The following CHST6 variants were observed in gnomAD, a reference collection of about 807,000 sequenced individuals.
CHST6 encodes the protein N-acetylglucosamine 6-O-sulfotransferase 5.
For missense variants in CHST6, 698 were observed against 586.2 expected (o/e 1.19, Z -1.97); for synonymous variants, 309 against 276.4 (o/e 1.12, Z -1.17).
Position 75,477,028 on chromosome 16 carries a change from G to A in CHST6, c.*1613C>T, listed in dbSNP as rs1778946531. 1 of 152,244 alleles carries A rather than the reference G, an allele frequency of 6.6e-6. No individual in the cohort carries two copies. Among genetic ancestry groups the A allele is most frequent in the Non-Finnish European group, 1.5e-5 (1 of 68,092 alleles). The allele number at this position is 152,244 out of a possible 1,614,324, so 9.4% of individuals were successfully genotyped here. ...CACAGTGCTGGGATTACAGGCATGA[G>A]CCACTGCATCCAGCCAAGTTACCCA... On this transcript the variant is annotated 3_prime_UTR_variant, in exon 3 of 3. Transcript: ENST00000332272.
chr16:75,490,685 G>T (rs2080244273), intron 1 of CHST6: 1 of 152,114 alleles, frequency 6.6e-6, no homozygotes, highest in East Asian at 1.9e-4. Flanking sequence ...ATTTCCTGAA[G>T]AAACAATTTG....
At chr16:75,487,012 A>T (rs895223995) in intron 1 of CHST6, among the ~76,000 whole-genome samples, 2 of 152,232 alleles carry the variant, frequency 1.3e-5, no homozygotes, top group Non-Finnish European at 2.9e-5. Flanking sequence ...CTGACTGAAG[A>T]AGATAGTAAG....
At chr16:75,484,261 CAGGAGGTGG>C (rs2080171946) in intron 1 of CHST6, among the ~76,000 whole-genome samples, 1 of 152,034 alleles carries the variant, frequency 6.6e-6, no homozygotes. Flanking sequence ...TGCTTGAATC[CAGGAGGTGG>C]AGGTTGCAGT....
rs1645995618 is a variant in CHST6 at position 75,476,161 on chromosome 16, T to A, written c.*2480A>T. The A allele has an allele frequency of 6.6e-6, 1 of 152,100 alleles. No individual in the cohort carries two copies. The highest frequency in any genetic ancestry group is 1.5e-5 in the Non-Finnish European group (1 of 68,046). The allele number at this position is 152,100 out of a possible 1,614,324, so 9.4% of individuals were successfully genotyped here. A position where few individuals can be genotyped will look rare whatever the true frequency, so the allele number is the denominator to read the frequency against. ...CACGCCTGGCTTGTGGTTGAAATCT[T>A]AACCCACAATATGATGGTGTTGGGA... On this transcript the variant is annotated 3_prime_UTR_variant, in exon 3 of 3. Coordinates refer to ENST00000332272, the MANE Select transcript of CHST6 (RefSeq NM_021615.5).
intron 1 of CHST6, among the ~76,000 whole-genome samples, chr16:75,485,063 C>T (rs1479929310): frequency 6.6e-6 from 1 of 151,934 alleles, no homozygotes; most frequent in Non-Finnish European, 1.5e-5. Flanking sequence ...AAATTTCCAA[C>T]AAGTAATTAA....
chr16:75,483,431 C>T (rs2080163705), intron 1 of CHST6, among the ~76,000 whole-genome samples: 1 of 152,184 alleles, frequency 6.6e-6, no homozygotes, highest in African/African-American at 2.4e-5. Flanking sequence ...TACTGAAACT[C>T]AAGAACTAGG....
intron 1 of CHST6, among the ~76,000 whole-genome samples, chr16:75,485,492 G>C (rs247454): frequency 0.42 from 63,947 of 151,850 alleles, 13,572 homozygotes; most frequent in East Asian, 0.56. Flanking sequence ...CCTAAAACCA[G>C]AGCAAAACAC....
chr16:75,484,761 T>G (rs1410250139), intron 1 of CHST6, among the ~76,000 whole-genome samples: 3 of 152,010 alleles, frequency 2.0e-5, no homozygotes, highest in Non-Finnish European at 4.4e-5. Context: ...GGAGAATCAT[T>G]TGAACCCGGG....
intron 1 of CHST6, among the ~76,000 whole-genome samples, chr16:75,486,520 C>A (rs374289873): frequency 6.6e-6 from 1 of 152,176 alleles, no homozygotes; most frequent in African/African-American, 2.4e-5. Flanking sequence ...CTGACCCTGC[C>A]CCCCCAGCCC....
chr16:75,488,464 C>T (rs191029308), intron 1 of CHST6, among the ~76,000 whole-genome samples: 271 of 146,900 alleles, frequency 1.8e-3, no homozygotes, highest in African/African-American at 6.1e-3. Flanking sequence ...AGCAAAGCCC[C>T]GTCACAAGGA....
At chr16:75,490,005 C>T (rs192555879) in intron 1 of CHST6, among the ~76,000 whole-genome samples, 2 of 149,420 alleles carry the variant, frequency 1.3e-5, no homozygotes, top group East Asian at 2.0e-4. Context: ...GGTGAAACCC[C>T]GTCTCTACTA....
intron 1 of CHST6, among the ~76,000 whole-genome samples, chr16:75,487,678 A>G (rs1254270105): frequency 6.6e-6 from 1 of 151,874 alleles, no homozygotes; most frequent in Non-Finnish European, 1.5e-5. Flanking sequence ...GGGCACCTGT[A>G]GTCCCAGCTA....
At chr16:75,479,985 C>A in intron 2 of CHST6, 141 bp from the exon 3 acceptor site, 1 of 717,384 alleles carries the variant, frequency 1.4e-6, no homozygotes, top group Non-Finnish European at 2.3e-6. Flanking sequence ...GGGAGCTCTC[C>A]CGGAAATGTG....
rs1041374367 is a variant in CHST6, at chr16:75,477,808, TC to T, written c.*832del. 13 of 152,872 alleles carry T rather than the reference TC, an allele frequency of 8.5e-5. No individual in the cohort carries two copies. Among genetic ancestry groups the T allele is most frequent in the African/African-American group, 3.1e-4 (13 of 41,466 alleles). The allele number at this position is 152,872 out of a possible 1,614,324, so 9.5% of individuals were successfully genotyped here. A position where few individuals can be genotyped will look rare whatever the true frequency, so the allele number is the denominator to read the frequency against. ...CAACCTCTTGGCAAGCCTGATGAGT[TC>T]CACTCCCCGCTGACGGGCACACCTG... is the stretch of plus-strand genomic sequence containing the variant. On this transcript the variant is annotated 3_prime_UTR_variant, in exon 3 of 3. Transcript: ENST00000332272.
At position 75,474,470 on chromosome 16, in the gene CHST6, C is replaced by G. The variant is rs1157976987; in HGVS notation, c.*4171G>C. 2.5e-6 allele frequency: 1 copy of G among 395,550 alleles called. No homozygotes were observed. The highest frequency in any genetic ancestry group is 4.4e-6 in the Non-Finnish European group (1 of 224,726). The allele number at this position is 395,550 out of a possible 1,614,324, so 24.5% of individuals were successfully genotyped here. A position where few individuals can be genotyped will look rare whatever the true frequency, so the allele number is the denominator to read the frequency against. ...TTTTTTAACTTTGTAGAGATGGGGT[C>G]TCACTATGTTGCCCAGGCTGGTCTT... On this transcript the variant is annotated 3_prime_UTR_variant, in exon 3 of 3. Transcript: ENST00000332272.
chr16:75,475,081 C>G lies in CHST6; in HGVS notation c.*3560G>C, dbSNP rs1014995936. 1 of 166,416 alleles carries G rather than the reference C, an allele frequency of 6.0e-6. No individual in the cohort carries two copies. Among genetic ancestry groups the G allele is most frequent in the Non-Finnish European group, 1.3e-5 (1 of 77,510 alleles). 10.3% of individuals were successfully genotyped at this position (166,416 alleles called of 1,614,324 possible). On this transcript the variant is annotated 3_prime_UTR_variant, in exon 3 of 3. Transcript: ENST00000332272. ...AAAATGCTGGGATTACAGACATGAG[C>G]TACCATGCCTGCGCCCAGAAATAAT...
chr16:75,483,680 G>A (rs1345556997), intron 1 of CHST6, among the ~76,000 whole-genome samples: 2 of 152,106 alleles, frequency 1.3e-5, no homozygotes, highest in African/African-American at 4.8e-5. Flanking sequence ...TGAAGCAGTG[G>A]GGCTCAGAGA....
intron 1 of CHST6, among the ~76,000 whole-genome samples, 186 bp downstream of exon 1, chr16:75,494,754 C>A (rs2080291601): frequency 6.6e-6 from 1 of 152,254 alleles, no homozygotes; most frequent in African/African-American, 2.4e-5. Context: ...CAAGACACTT[C>A]CAAACCGGCG....
intron 1 of CHST6, among the ~76,000 whole-genome samples, chr16:75,488,589 G>A (rs1762257665): frequency 6.6e-6 from 1 of 152,104 alleles, no homozygotes; most frequent in African/African-American, 2.4e-5. Flanking sequence ...GTGGAGCCCT[G>A]GGCATTTGGA....
Sources: gnomAD v4.1 joint callset for allele counts (sites outside exome capture counted in the v4.1 genomes callset) on GRCh38, gnomAD v4.1.1 for gene constraint, MANE v1.5 for transcripts, NCBI Gene and HGNC (gene_info 2026-07-23, HGNC 2026-07-21) for gene names.